The following APOL2 variants were observed in gnomAD, a reference collection of about 807,000 sequenced individuals.
APOL2 encodes the protein apolipoprotein L, 2.
APOL2 carries 8 observed loss-of-function variants against 7.1 expected under a neutral mutation model. The observed-to-expected ratio is 1.12, with a 90% CI of 0.66 to 2.03. APOL2 has a LOEUF of 2.03. APOL2 is among the 30% of genes most tolerant of loss of function. The pLI is 0.00. For synonymous variants in APOL2, 177 were observed against 159.9 expected (o/e 1.11, Z -0.81); for missense variants, 471 against 415.1 (o/e 1.13, Z -1.17).
At chr22:36,231,747 C>A (rs1467679614) in intron 3 of APOL2, among the ~76,000 whole-genome samples, 1 of 152,176 alleles carries the variant, frequency 6.6e-6, no homozygotes, top group African/African-American at 2.4e-5. Context: ...GGGCTAGTGT[C>A]CTATTGTAAG....
At chr22:36,234,900 C>T (rs1469584673) in intron 1 of APOL2, among the ~76,000 whole-genome samples, 1 of 152,160 alleles carries the variant, frequency 6.6e-6, no homozygotes, top group Non-Finnish European at 1.5e-5. Context: ...GACTGGGTTC[C>T]CACCCAGACA....
chr22:36,228,227 A>G lies in APOL2; in HGVS notation c.191T>C (p.Val64Ala). Reference protein sequence around the residue: ...KALNKLASHMVMKDKNRHDKD... With the variant: ...KALNKLASHMAMKDKNRHDKD... ...ATCGTGGCGGTTTTTGTCCTTCATG[A>G]CCATGTGACTTGCAAGCTTGTTCAG... The change falls in exon 5 of 5, where the codon GTC (valine) becomes GCC (alanine). Residue 64 changes from valine to alanine, a missense_variant. Coordinates refer to ENST00000358502, the MANE Select transcript of APOL2 (RefSeq NM_030882.4). 6.2e-7 allele frequency: 1 copy of G among 1,614,122 alleles called. No individual in the cohort carries two copies. The highest frequency in any genetic ancestry group is 1.1e-5 in the South Asian group (1 of 91,078).
intron 1 of APOL2, among the ~76,000 whole-genome samples, chr22:36,238,114 T>C (rs2015473207): frequency 6.6e-6 from 1 of 152,094 alleles, no homozygotes. Flanking sequence ...CCCTTTAGAC[T>C]CTGAACATTC....
intron 4 of APOL2, among the ~76,000 whole-genome samples, chr22:36,230,205 C>T (rs1017983041): frequency 2.6e-5 from 4 of 152,182 alleles, no homozygotes; most frequent in African/African-American, 9.7e-5. Context: ...GCTCAGTACC[C>T]CTGAAATTAC....
Position 36,227,641 on chromosome 22 carries a change from C to A in APOL2, c.777G>T (p.Arg259Ser), listed in dbSNP as rs748425913. The change falls in exon 5 of 5, where the codon AGG (arginine) becomes AGT (serine). Residue 259 changes from arginine to serine, a missense_variant. Arg to Ser is a moderately radical substitution (Grantham distance 110, BLOSUM62 -1). Coordinates refer to ENST00000358502, the MANE Select transcript of APOL2 (RefSeq NM_030882.4). ...TTGCCTGGGCGGGGCCTTCAACAAC[C>A]CTCTCAACCTGTTCACCGCCTTCAG... The part of the protein sequence containing the change: ...ISAEGGEQVE[R>S]VVEGPAQAMS... 2 of 1,614,108 alleles carry A rather than the reference C, an allele frequency of 1.2e-6. No homozygotes were observed. Among genetic ancestry groups the A allele is most frequent in the South Asian group, 2.2e-5 (2 of 91,094 alleles).
chr22:36,232,530 A>G (rs2413392), intron 3 of APOL2, among the ~76,000 whole-genome samples: 93,176 of 152,096 alleles, frequency 0.61, 29,735 homozygotes, highest in Middle Eastern at 0.72. Flanking sequence ...TATAATATTT[A>G]ATCTTCGTGA....
intron 1 of APOL2, chr22:36,236,618 G>C (rs6000214): frequency 2.1e-5 from 21 of 985,022 alleles, no homozygotes; most frequent in Non-Finnish European, 2.3e-5. Context: ...CGCACTCCCC[G>C]GCACACCCAC....
At chr22:36,234,806 C>T (rs2015343908) in intron 1 of APOL2, among the ~76,000 whole-genome samples, 1 of 152,124 alleles carries the variant, frequency 6.6e-6, no homozygotes, top group South Asian at 2.1e-4. Context: ...GAAGTGTGTA[C>T]CATTGGTATT....
rs777956001 is a variant in APOL2 at position 36,237,074 on chromosome 22, G to A, written c.-134+2367C>T. ...GGGGCCTCGGACCTGCCCAATACTT[G>A]TGAGGAGCTGCATCCAGGATCCCAT... On this transcript the variant is annotated intron_variant, in intron 1 of 4. Coordinates refer to ENST00000358502, the MANE Select transcript of APOL2 (RefSeq NM_030882.4). 6.0e-4 allele frequency: 917 copies of A among 1,528,328 alleles called. 1 individual carries two copies. The highest frequency in any genetic ancestry group is 7.7e-4 in the Non-Finnish European group (873 of 1,135,712). The allele number at this position is 1,528,328 out of a possible 1,614,324, so 94.7% of individuals were successfully genotyped here.
At chr22:36,235,735 G>A (rs1183670884) in intron 1 of APOL2, among the ~76,000 whole-genome samples, 2 of 141,000 alleles carry the variant, frequency 1.4e-5, no homozygotes, top group African/African-American at 5.4e-5. Flanking sequence ...GCCACCGGGA[G>A]GAAGAAAGGG....
chr22:36,236,963 A>G (rs1045506904), intron 1 of APOL2: 8 of 1,359,208 alleles, frequency 5.9e-6, no homozygotes, highest in Non-Finnish European at 7.6e-6. Flanking sequence ...ACCCTAGGCC[A>G]GGGGAGCTGT....
At chr22:36,232,745 A>T (rs2015266869) in intron 3 of APOL2, among the ~76,000 whole-genome samples, 1 of 152,026 alleles carries the variant, frequency 6.6e-6, no homozygotes, top group African/African-American at 2.4e-5. Flanking sequence ...CTGTGCTGGA[A>T]AAAACCCTGG....
Position 36,227,886 on chromosome 22 carries a change from G to A in APOL2, c.532C>T (p.Arg178Ter), listed in dbSNP as rs200563532. 63 of 1,614,036 alleles carry A rather than the reference G, an allele frequency of 3.9e-5. No homozygotes were observed. Among genetic ancestry groups the A allele is most frequent in the Admixed American group, 1.7e-4 (10 of 60,010 alleles). The stretch of plus-strand genomic sequence containing the variant: ...TGGTCCAAGTTGCGGGCTTGGGCTC[G>A]TGCCCGCAATTTGTTTACTAGTTCT... ...VVELVNKLRA[R>*]AQARNLDQSG... Residue 178 changes from arginine to a stop codon, truncating the protein, a stop_gained, in exon 5 of 5, where the codon CGA (arginine) becomes TGA (stop). Transcript: ENST00000358502. LOFTEE classifies it low-confidence loss of function (END_TRUNC).
Position 36,227,604 on chromosome 22 carries a change from T to C in APOL2, c.814A>G (p.Thr272Ala), listed in dbSNP as rs757971052. The change falls in exon 5 of 5, where the codon ACC becomes GCC. Residue 272 changes from threonine (T) to alanine (A), a missense_variant. Physicochemically the swap from Thr to Ala is moderately conservative, Grantham distance 58. Transcript: ENST00000358502. ...EGPAQAMSRG[T>A]MIVGAATGGI... Reference sequence around the variant, plus strand: ...CCAGTGGCTGCACCCACGATCATGGTTCCTCTGCTCATTGCCTGGGCGGGG... The same window carrying C: ...CCAGTGGCTGCACCCACGATCATGGCTCCTCTGCTCATTGCCTGGGCGGGG... 1 of 1,614,226 alleles carries C rather than the reference T, an allele frequency of 6.2e-7. No homozygotes were observed. Among genetic ancestry groups the C allele is most frequent in the East Asian group, 2.2e-5 (1 of 44,882 alleles).
At position 36,227,531 on chromosome 22, in the gene APOL2, T is replaced by G; in HGVS notation, c.887A>C (p.Lys296Thr). The G allele has an allele frequency of 6.2e-7, 1 of 1,614,170 alleles. No individual in the cohort carries two copies. The highest frequency in any genetic ancestry group is 8.5e-7 in the Non-Finnish European group (1 of 1,180,028). ...TGACTTTGCCCCCTCAAGCAAGTGC[T>G]TTGACTCATATGCAAGGCTGACCAC... ...LDVVSLAYES[K>T]HLLEGAKSES... The change falls in exon 5 of 5, where the codon AAG becomes ACG. Residue 296 changes from lysine to threonine, a missense_variant. Coordinates refer to ENST00000358502, the MANE Select transcript of APOL2 (RefSeq NM_030882.4).
chr22:36,231,308 G>A, intron 4 of APOL2, 32 bp downstream of exon 4: 1 of 1,604,860 alleles, frequency 6.2e-7, no homozygotes, highest in Non-Finnish European at 8.5e-7. Flanking sequence ...CATCGCTGGG[G>A]CGCCCCATGG....
chr22:36,239,754 A>G, upstream of APOL2: 3 of 518,620 alleles, frequency 5.8e-6, no homozygotes, highest in Non-Finnish European at 1.0e-5. Context: ...CTCAGGATTC[A>G]AGGTCTGCTG....
At chr22:36,229,139 T>A (rs1032389945) in intron 4 of APOL2, among the ~76,000 whole-genome samples, 1 of 152,222 alleles carries the variant, frequency 6.6e-6, no homozygotes, top group Non-Finnish European at 1.5e-5. Context: ...CCCCGCTTGC[T>A]GTCTGAGCAC....
intron 4 of APOL2, among the ~76,000 whole-genome samples, chr22:36,228,592 A>G (rs1313472018): frequency 6.6e-6 from 1 of 152,142 alleles, no homozygotes; most frequent in Non-Finnish European, 1.5e-5. Flanking sequence ...GTGTTTGGAG[A>G]GGGAAAACTC....
Sources: gnomAD v4.1 joint callset for allele counts (sites outside exome capture counted in the v4.1 genomes callset) on GRCh38, gnomAD v4.1.1 for gene constraint, MANE v1.5 for transcripts, NCBI Gene and HGNC (gene_info 2026-07-23, HGNC 2026-07-21) for gene names.